Variants in CDC14A observed in about 807,000 individuals in gnomAD.
CDC14A encodes the protein dual specificity protein phosphatase CDC14A.
In CDC14A, 53 loss-of-function variants were observed where a neutral mutation model predicts 74.4. That is an observed-to-expected ratio of 0.71 (90% CI 0.57 to 0.89). The LOEUF (loss-of-function observed/expected upper bound fraction) is 0.89, where lower values mean the gene tolerates loss of function less well. CDC14A is among the 40% of genes least tolerant of loss of function. The pLI is 0.00. For synonymous variants in CDC14A, 247 were observed against 258.4 expected (o/e 0.96, Z 0.43); for missense variants, 646 against 713.7 (o/e 0.91, Z 1.08).
chr1:100,461,128 C>G (rs148047447), intron 8 of CDC14A, among the ~76,000 whole-genome samples: 6 of 152,150 alleles, frequency 3.9e-5, no homozygotes, highest in Admixed American at 3.9e-4. Context: ...GCTGGGGGGA[C>G]AAAAGGGACA....
At chr1:100,485,285 A>T in intron 11 of CDC14A, 1 of 985,346 alleles carries the variant, frequency 1.0e-6, no homozygotes, top group African/African-American at 1.7e-5. Context: ...ACAACTGGGC[A>T]TTCAATTCCT....
intron 2 of CDC14A, among the ~76,000 whole-genome samples, chr1:100,372,245 G>A (rs1011965614): frequency 9.9e-5 from 15 of 152,220 alleles, no homozygotes; most frequent in Admixed American, 3.9e-4. Context: ...ACTGATCAGG[G>A]TGGTGGTTGC....
rs1660883649 is a variant in CDC14A, at chr1:100,412,702, A to ATATATATATATATTT, written c.310-11507_310-11506insTTTATATATATATAT. Among the ~76,000 whole-genome samples the ATATATATATATATTT allele has an allele frequency of 3.1e-5, 3 of 96,188 alleles. 1 individual carries two copies. Among genetic ancestry groups the ATATATATATATATTT allele is most frequent in the Non-Finnish European group, 5.3e-5 (3 of 56,542 alleles). 63.1% of individuals were successfully genotyped at this position (96,188 alleles called of 152,430 possible). A position where few individuals can be genotyped will look rare whatever the true frequency, so the allele number is the denominator to read the frequency against. On this transcript the variant is annotated intron_variant, in intron 4 of 15. Transcript: ENST00000336454. ...GGTGAACTTCCTGTATGTTTTATAT[A>ATATATATATATATTT]TATATATATATATATATATATTTTA...
chr1:100,353,483 C>T (rs1278614996), intron 1 of CDC14A, among the ~76,000 whole-genome samples: 1 of 152,212 alleles, frequency 6.6e-6, no homozygotes, highest in Non-Finnish European at 1.5e-5. Context: ...ACTTGCACCT[C>T]CAGTTCTGCG....
At chr1:100,389,075 C>T (rs900979331) in intron 3 of CDC14A, among the ~76,000 whole-genome samples, 3 of 146,276 alleles carry the variant, frequency 2.1e-5, no homozygotes, top group Non-Finnish European at 4.5e-5. Context: ...CTCAGGAGGC[C>T]GAGGTGAGAG....
At chr1:100,374,940 T>C (rs1027853599) in intron 2 of CDC14A, among the ~76,000 whole-genome samples, 1 of 152,262 alleles carries the variant, frequency 6.6e-6, no homozygotes, top group Non-Finnish European at 1.5e-5. Flanking sequence ...ATCATAAGTA[T>C]ATGATACAGT....
intron 7 of CDC14A, among the ~76,000 whole-genome samples, chr1:100,452,806 A>G (rs1246042508): frequency 2.0e-5 from 3 of 152,100 alleles, no homozygotes; most frequent in Non-Finnish European, 4.4e-5. Flanking sequence ...TTGCTTAGGT[A>G]TTTGTTTACA....
At chr1:100,363,154 C>G (rs1344660771) in intron 2 of CDC14A, 1 of 152,262 alleles carries the variant, frequency 6.6e-6, no homozygotes, top group Non-Finnish European at 1.5e-5. Flanking sequence ...GCCGTCTTGT[C>G]TGCTCCTCAC....
intron 6 of CDC14A, among the ~76,000 whole-genome samples, chr1:100,440,311 G>A (rs1664785491): frequency 6.6e-6 from 1 of 152,110 alleles, no homozygotes; most frequent in African/African-American, 2.4e-5. Context: ...CTTGATCTTG[G>A]TGTGGGAGAG....
At chr1:100,361,281 A>G (rs899795797) in intron 2 of CDC14A, among the ~76,000 whole-genome samples, 1 of 152,210 alleles carries the variant, frequency 6.6e-6, no homozygotes, top group Non-Finnish European at 1.5e-5. Flanking sequence ...GATGCAGAAC[A>G]CTGTACTAAT....
chr1:100,426,774 G>C (rs1039010468), intron 5 of CDC14A, among the ~76,000 whole-genome samples: 2 of 152,084 alleles, frequency 1.3e-5, no homozygotes, highest in African/African-American at 4.8e-5. Flanking sequence ...CCTACTAAAA[G>C]TATGCCTTTG....
At chr1:100,360,528 A>G (rs1652611455) in intron 2 of CDC14A, among the ~76,000 whole-genome samples, 1 of 151,112 alleles carries the variant, frequency 6.6e-6, no homozygotes, top group African/African-American at 2.4e-5. Flanking sequence ...ATTTTTTTGT[A>G]GAGACAGGGT....
At chr1:100,430,893 G>A (rs1571171930) in intron 5 of CDC14A, among the ~76,000 whole-genome samples, 1 of 152,098 alleles carries the variant, frequency 6.6e-6, no homozygotes, top group Non-Finnish European at 1.5e-5. Flanking sequence ...TCTCAGTCTT[G>A]ATCTTTGGGG....
At chr1:100,494,059 A>G (rs1647407026) in intron 11 of CDC14A, among the ~76,000 whole-genome samples, 1 of 152,210 alleles carries the variant, frequency 6.6e-6, no homozygotes, top group Admixed American at 6.5e-5. Context: ...TTTAGAAAGA[A>G]CATTGCATCT....
chr1:100,500,574 A>G (rs1648585664), intron 15 of CDC14A, among the ~76,000 whole-genome samples: 1 of 151,978 alleles, frequency 6.6e-6, no homozygotes, highest in Admixed American at 6.6e-5. Flanking sequence ...CCTGGCCAAC[A>G]TGGTGAAACC....
exon 1 of CDC14A, chr1:100,345,131 A>T (rs1295095151): frequency 6.6e-6 from 1 of 152,194 alleles, no homozygotes; most frequent in African/African-American, 2.4e-5. Context: ...ATGAAGAAGG[A>T]CATTAACTTG....
chr1:100,357,032 T>G (rs796403001), intron 2 of CDC14A, among the ~76,000 whole-genome samples: 1 of 151,926 alleles, frequency 6.6e-6, no homozygotes, highest in Non-Finnish European at 1.5e-5. Context: ...TTAAGACAGC[T>G]TAGGTTGTGG....
rs78166292 is a variant in CDC14A, at chr1:100,399,854, C to CA, written c.309+9044dup. The stretch of plus-strand genomic sequence containing the variant: ...CTGCACTCCAGCCCAGACCCTGACT[C>CA]AAAAAAAAAAAAAAGATGAAGTCAT... On this transcript the variant is annotated intron_variant, in intron 4 of 15. Coordinates refer to ENST00000336454, the MANE Select transcript of CDC14A (RefSeq NM_003672.4). Among the ~76,000 whole-genome samples the CA allele has an allele frequency of 6.3e-3, 776 of 122,760 alleles. 9 individuals are homozygous for CA. The highest frequency in any genetic ancestry group is 0.051 in the East Asian group (221 of 4,356). The allele number at this position is 122,760 out of a possible 152,430, so 80.5% of individuals were successfully genotyped here.
At chr1:100,374,333 G>T (rs1654926758) in intron 2 of CDC14A, among the ~76,000 whole-genome samples, 1 of 152,068 alleles carries the variant, frequency 6.6e-6, no homozygotes, top group East Asian at 1.9e-4. Flanking sequence ...TAATGGGATG[G>T]CTGGGTCAAA....
Sources: gnomAD v4.1 joint callset for allele counts (sites outside exome capture counted in the v4.1 genomes callset) on GRCh38, gnomAD v4.1.1 for gene constraint, MANE v1.5 for transcripts, NCBI Gene and HGNC (gene_info 2026-07-23, HGNC 2026-07-21) for gene names.